The following KPNA7 variants were observed in gnomAD, a reference collection of about 807,000 sequenced individuals.
KPNA7 encodes karyopherin subunit alpha 7.
KPNA7 carries 54 observed loss-of-function variants against 53.7 expected under a neutral mutation model. That is an observed-to-expected ratio of 1.01 (90% CI 0.81 to 1.26). The LOEUF is 1.26. KPNA7 is among the 50% of genes most tolerant of loss of function. The pLI is 0.00. For synonymous variants in KPNA7, 276 were observed against 259.3 expected (o/e 1.06, Z -0.62); for missense variants, 640 against 644.5 (o/e 0.99, Z 0.07).
upstream of KPNA7, among the ~76,000 whole-genome samples, chr7:99,212,501 G>A (rs532574639): frequency 9.2e-5 from 14 of 151,822 alleles, no homozygotes; most frequent in African/African-American, 1.4e-4. Flanking sequence ...TGGCCCACCC[G>A]CCTCGGTCCC....
intron 1 of KPNA7, among the ~76,000 whole-genome samples, chr7:99,217,229 C>A (rs1016637860): frequency 6.6e-6 from 1 of 152,164 alleles, no homozygotes; most frequent in Non-Finnish European, 1.5e-5. Context: ...GTGCCCAGCC[C>A]GGCTGCAGCT....
At chr7:99,195,699 T>A (rs918791810) in intron 4 of KPNA7, among the ~76,000 whole-genome samples, 4 of 152,092 alleles carry the variant, frequency 2.6e-5, no homozygotes, top group Non-Finnish European at 5.9e-5. Flanking sequence ...TGAGACTCCA[T>A]CTCAAAAGAG....
At chr7:99,214,644 G>C (rs1350969835) in intron 1 of KPNA7, among the ~76,000 whole-genome samples, 4 of 17,554 alleles carry the variant, frequency 2.3e-4, no homozygotes, top group African/African-American at 4.8e-4. Context: ...AAGAGGGGAG[G>C]GGAGGTAGGG....
intron 6 of KPNA7, among the ~76,000 whole-genome samples, chr7:99,189,060 T>C (rs1789793159): frequency 6.6e-6 from 1 of 152,212 alleles, no homozygotes; most frequent in African/African-American, 2.4e-5. Flanking sequence ...GAGGTTCGTA[T>C]TTCACATTCC....
intron 10 of KPNA7, 57 bp downstream of exon 10, chr7:99,177,862 CT>C (rs35347900): frequency 0.075 from 115,734 of 1,534,158 alleles, 4,771 homozygotes; most frequent in African/African-American, 0.15. Flanking sequence ...GGGTGACCCT[CT>C]GCAGAGCTGC....
At chr7:99,162,196 C>A in the KPNA7 span, among the ~76,000 whole-genome samples, 16 of 152,052 alleles carry the variant, frequency 1.1e-4, no homozygotes, top group Admixed American at 1.3e-4. Flanking sequence ...AGGCATGTGC[C>A]ACCATACCCA....
At chr7:99,202,012 T>C (rs1328656911) in intron 3 of KPNA7, among the ~76,000 whole-genome samples, 1 of 152,074 alleles carries the variant, frequency 6.6e-6, no homozygotes. Context: ...TTGGCCTTTT[T>C]TCCCTTTTGT....
At chr7:99,194,535 G>C (rs1563080662) in intron 5 of KPNA7, among the ~76,000 whole-genome samples, 1 of 152,130 alleles carries the variant, frequency 6.6e-6, no homozygotes, top group Non-Finnish European at 1.5e-5. Context: ...TCTCTAGTTA[G>C]CCTGTGGCTT....
chr7:99,173,752 G>T lies in KPNA7; in HGVS notation c.1507C>A (p.Gln503Lys), dbSNP rs774947420. The T allele has an allele frequency of 5.8e-6, 9 of 1,551,604 alleles. No homozygotes were observed. Among genetic ancestry groups the T allele is most frequent in the Non-Finnish European group, 7.8e-6 (9 of 1,146,756 alleles). Residue 503 changes from glutamine to lysine, a missense_variant, in exon 11 of 11, where the codon CAA becomes AAA. Coordinates refer to ENST00000327442, the MANE Select transcript of KPNA7 (RefSeq NM_001145715.3). ...SQTLLSQVIDQDYEFIDYECL... is the reference protein window; with the variant it reads ...SQTLLSQVIDKDYEFIDYECL... ...TCATAATCTATAAATTCATAATCTT[G>T]GTCTATGACTTGGCTCAGTAAAGTT...
upstream of KPNA7, among the ~76,000 whole-genome samples, chr7:99,208,351 G>C (rs920198760): frequency 2.0e-5 from 3 of 152,048 alleles, no homozygotes; most frequent in African/African-American, 7.2e-5. Flanking sequence ...CGCCTCCCGG[G>C]TTCACGCCAT....
the KPNA7 span, among the ~76,000 whole-genome samples, chr7:99,159,466 C>A: frequency 6.6e-6 from 1 of 151,008 alleles, no homozygotes; most frequent in South Asian, 2.1e-4. Flanking sequence ...GTCTTTCCAA[C>A]TTTACATTAT....
chr7:99,172,422 A>T (rs76261034), downstream of KPNA7, among the ~76,000 whole-genome samples: 3,509 of 152,262 alleles, frequency 0.023, 140 homozygotes, highest in African/African-American at 0.081. Flanking sequence ...ATGGTTCAAA[A>T]ATAATATGTA....
At chr7:99,189,072 A>G (rs942524258) in intron 6 of KPNA7, among the ~76,000 whole-genome samples, 2 of 152,170 alleles carry the variant, frequency 1.3e-5, no homozygotes, top group African/African-American at 2.4e-5. Flanking sequence ...TCACATTCCA[A>G]TGTTAGATGG....
the KPNA7 span, among the ~76,000 whole-genome samples, chr7:99,152,654 T>A: frequency 6.6e-6 from 1 of 152,204 alleles, no homozygotes; most frequent in Non-Finnish European, 1.5e-5. Context: ...TAACTTTATT[T>A]CTTGTAAGGC....
chr7:99,159,753 A>G, the KPNA7 span, among the ~76,000 whole-genome samples: 2 of 152,132 alleles, frequency 1.3e-5, no homozygotes, highest in African/African-American at 2.4e-5. Flanking sequence ...CCTCCATTCA[A>G]TGCTCAAGTT....
chr7:99,182,572 T>G (rs1341819959), intron 8 of KPNA7, among the ~76,000 whole-genome samples: 1 of 152,088 alleles, frequency 6.6e-6, no homozygotes, highest in African/African-American at 2.4e-5. Flanking sequence ...TGACCTCAAG[T>G]GATCCTCCCA....
At chr7:99,208,717 C>T (rs2150782120), upstream of KPNA7, among the ~76,000 whole-genome samples, 1 of 152,302 alleles carries the variant, frequency 6.6e-6, no homozygotes, top group East Asian at 1.9e-4. Context: ...ATAAGCATCA[C>T]CACACCAGCT....
At chr7:99,177,895 T>TCC in intron 10 of KPNA7, 25 bp downstream of exon 10, 2 of 1,550,728 alleles carry the variant, frequency 1.3e-6, no homozygotes, top group South Asian at 1.2e-5. Context: ...CCCTGGATAC[T>TCC]CCTCCACGCT....
Position 99,192,996 on chromosome 7 carries a change from AAG to A in KPNA7, c.636+21_636+22del, listed in dbSNP as rs1790034261. 6 of 1,443,372 alleles carry A rather than the reference AAG, an allele frequency of 4.2e-6. No homozygotes were observed. The East Asian group carries it at 7.6e-5, about 18-fold the overall frequency. The allele number at this position is 1,443,372 out of a possible 1,614,324, so 89.4% of individuals were successfully genotyped here. ...TAAAATTTTAATTTAAAAAAAAAAA[AAG>A]AGAAAGAAAAAGACACTTACCGGCA... is the stretch of plus-strand genomic sequence containing the variant. On this transcript the variant is annotated intron_variant, in intron 6 of 10. Coordinates refer to ENST00000327442, the MANE Select transcript of KPNA7 (RefSeq NM_001145715.3).
Sources: allele counts gnomAD v4.1 joint callset (sites outside exome capture counted in the v4.1 genomes callset), GRCh38; gene constraint gnomAD v4.1.1; transcripts MANE v1.5; gene names NCBI Gene and HGNC (gene_info 2026-07-23, HGNC 2026-07-21).